The following DDHD2 variants were observed in gnomAD, a reference collection of about 807,000 sequenced individuals.
DDHD2 encodes triacylglycerol hydrolase DDHD2.
A neutral mutation model predicts 91.2 loss-of-function variants in DDHD2; 62 were observed. The ratio of observed to expected loss-of-function variants is 0.68; its 90% CI spans 0.55 to 0.84. The LOEUF (loss-of-function observed/expected upper bound fraction) is 0.84. DDHD2 is among the 40% of genes least tolerant of loss of function. DDHD2 has a pLI of 0.00. For missense variants in DDHD2, 740 were observed against 846.9 expected, an observed-to-expected ratio of 0.87 and a Z score of 1.57; for synonymous variants, 271 against 293.9, an observed-to-expected ratio of 0.92 and a Z score of 0.80.
chr8:38,253,226 C>A, intron 15 of DDHD2, 99 bp downstream of exon 15: 5 of 1,215,692 alleles, frequency 4.1e-6, no homozygotes, highest in South Asian at 3.2e-5. Flanking sequence ...CATTTAATTT[C>A]ATAGTTAATA....
chr8:38,254,287 C>T (rs1806342479), intron 16 of DDHD2, among the ~76,000 whole-genome samples: 1 of 152,082 alleles, frequency 6.6e-6, no homozygotes, highest in Admixed American at 6.5e-5. Flanking sequence ...TTTAGGTGCA[C>T]ATGAATGAAC....
At chr8:38,238,810 A>G (rs1265702811) in intron 5 of DDHD2, 1 of 539,318 alleles carries the variant, frequency 1.9e-6, no homozygotes, top group Non-Finnish European at 2.4e-6. Flanking sequence ...CAATAACTGT[A>G]TTATGGTTAT....
downstream of DDHD2, chr8:38,266,539 T>C (rs549101565): frequency 2.3e-6 from 1 of 432,134 alleles, no homozygotes; most frequent in African/African-American, 2.0e-5. Flanking sequence ...TAGCTGGGAC[T>C]CCATGTGTGT....
rs1804554173 is a variant in DDHD2, at chr8:38,234,578, T to C, written c.405T>C (p.Val135=). The change falls in exon 3 of 18, where the codon GTT becomes GTC. Residue 135 remains valine (V), a synonymous_variant. Transcript: ENST00000397166. ...YVPYSESFSQ[V]LEETYMLAVT... is the part of the protein sequence containing the mutation. ...CCTACTCGGAGAGCTTCAGCCAAGT[T>C]TTAGAGGTATTCTTTTGACTCTTTT... 1.2e-6 allele frequency: 2 copies of C among 1,600,122 alleles called. No homozygotes were observed. Among genetic ancestry groups the C allele is most frequent in the East Asian group, 4.5e-5 (2 of 44,440 alleles).
At chr8:38,233,312 A>C in intron 2 of DDHD2, 98 bp downstream of exon 2, 1 of 859,892 alleles carries the variant, frequency 1.2e-6, no homozygotes, top group Non-Finnish European at 1.8e-6. Context: ...ACCAAATTTT[A>C]GATTTTTCCA....
At chr8:38,253,283 T>C (rs1415979121) in intron 15 of DDHD2, 156 bp downstream of exon 15, 1 of 865,020 alleles carries the variant, frequency 1.2e-6, no homozygotes, top group African/African-American at 1.7e-5. Context: ...GCTCTATTCC[T>C]GCTTGCATTT....
rs1247548399 is a variant in DDHD2 at position 38,234,509 on chromosome 8, A to G, written c.336A>G (p.Arg112=). Residue 112 remains arginine (R), a synonymous_variant, in exon 3 of 18, where the codon CGA becomes CGG. Coordinates refer to ENST00000397166, the MANE Select transcript of DDHD2 (RefSeq NM_015214.3). The stretch of plus-strand genomic sequence containing the variant: ...ATGAACTGGCATCGGAAGTGAGACG[A>G]TGTACGTGGTTTTACAAGGGGGACA... The part of the protein sequence containing the change: ...YWDELASEVR[R]CTWFYKGDKD... The G allele has an allele frequency of 3.1e-6, 5 of 1,613,374 alleles. No homozygotes were observed. Among genetic ancestry groups the G allele is most frequent in the Middle Eastern group, 1.6e-4 (1 of 6,062 alleles).
intron 5 of DDHD2, 48 bp downstream of exon 5, chr8:38,238,257 C>T (rs979843269): frequency 1.9e-6 from 3 of 1,608,654 alleles, no homozygotes; most frequent in Non-Finnish European, 2.5e-6. Context: ...TATTTGTTTA[C>T]TCCTTAAATT....
At position 38,253,525 on chromosome 8, in the gene DDHD2, T is replaced by C. The variant is rs182720098; in HGVS notation, c.1892-31T>C. The C allele has an allele frequency of 2.6e-4, 417 of 1,597,602 alleles. 2 individuals carry two copies. The African/African-American group carries it at 4.6e-3, about 18-fold the overall frequency. On this transcript the variant is annotated intron_variant, in intron 15 of 17. Coordinates refer to ENST00000397166, the MANE Select transcript of DDHD2 (RefSeq NM_015214.3). ...GATAACCCTGAAGGCCAAAAGGTTT[T>C]AGATTCTTATTATGGTTCTTCCATA...
chr8:38,259,782 A>G (rs1317768799), intron 16 of DDHD2, among the ~76,000 whole-genome samples: 2 of 152,144 alleles, frequency 1.3e-5, no homozygotes, highest in Non-Finnish European at 2.9e-5. Context: ...AGCCTCCCAG[A>G]GTGTTAGGAT....
chr8:38,237,431 G>T, intron 3 of DDHD2, 107 bp from the exon 4 acceptor site: 1 of 582,032 alleles, frequency 1.7e-6, no homozygotes. Context: ...ATAAATTGGA[G>T]TAGGATATTC....
At chr8:38,267,696 G>T, downstream of DDHD2, 1 of 649,698 alleles carries the variant, frequency 1.5e-6, no homozygotes, top group Non-Finnish European at 2.6e-6. Flanking sequence ...GGGAAATGCT[G>T]TTCAGGCAGA....
chr8:38,235,171 T>C (rs934143194), intron 3 of DDHD2, among the ~76,000 whole-genome samples: 5 of 152,182 alleles, frequency 3.3e-5, no homozygotes, highest in Non-Finnish European at 7.3e-5. Flanking sequence ...GGGAGATTTA[T>C]TTTGAAATAT....
chr8:38,242,621 A>G (rs896309951), intron 7 of DDHD2, among the ~76,000 whole-genome samples: 4 of 152,188 alleles, frequency 2.6e-5, no homozygotes, highest in Admixed American at 1.3e-4. Flanking sequence ...GCTTCATTGT[A>G]TCTTTAGCAT....
intron 1 of DDHD2, chr8:38,268,238 C>T: frequency 6.5e-6 from 7 of 1,075,494 alleles, no homozygotes; most frequent in Non-Finnish European, 9.2e-6. Context: ...CTATTTTCCT[C>T]TCCCGCGGGG....
chr8:38,238,565 C>T (rs971209230), intron 5 of DDHD2: 1 of 1,040,922 alleles, frequency 9.6e-7, no homozygotes. Flanking sequence ...CTAAGGAAAA[C>T]TGTTTTTCAG....
At chr8:38,271,845 A>G (rs1808491598), downstream of DDHD2, 1 of 152,266 alleles carries the variant, frequency 6.6e-6, no homozygotes, top group African/African-American at 2.4e-5. Flanking sequence ...TTAAGAGGAC[A>G]TGGCATGTGG....
intron 16 of DDHD2, among the ~76,000 whole-genome samples, chr8:38,256,402 A>C (rs544086341): frequency 6.6e-6 from 1 of 152,156 alleles, no homozygotes; most frequent in South Asian, 2.1e-4. Flanking sequence ...TCTGGGCTCA[A>C]GGGATCCTCT....
intron 5 of DDHD2, 40 bp from the exon 6 acceptor site, chr8:38,240,235 T>A (rs1355281575): frequency 2.4e-6 from 3 of 1,240,100 alleles, no homozygotes; most frequent in South Asian, 2.6e-5. Flanking sequence ...AATACATGAC[T>A]AATTATACAG....
Sources: gnomAD v4.1 joint callset for allele counts (sites outside exome capture counted in the v4.1 genomes callset) on GRCh38, gnomAD v4.1.1 for gene constraint, MANE v1.5 for transcripts, NCBI Gene and HGNC (gene_info 2026-07-23, HGNC 2026-07-21) for gene names.